BACC1: variants seen among roughly 807,000 people sequenced by gnomAD.
BACC1 encodes the protein BPTF associated chromatin complex component 1.
the BACC1 span, chr17:7,015,729 A>AC: frequency 4.1e-5 from 64 of 1,550,444 alleles, no homozygotes; most frequent in Middle Eastern, 1.7e-4. Context: ...CGGGCTCCAC[A>AC]CCCCCCCTCC....
chr17:7,014,928 G>A, the BACC1 span: 1 of 1,494,134 alleles, frequency 6.7e-7, no homozygotes. This position sits in a 1 kb window ranked among gnomAD's most constrained non-coding sequence, Gnocchi z 4.5. Flanking sequence ...GGGAGGGCGG[G>A]CCCCCCACTT....
chr17:7,014,964 G>A, the BACC1 span: 1 of 1,450,250 alleles, frequency 6.9e-7, no homozygotes, highest in Non-Finnish European at 9.0e-7. This position sits in a 1 kb window ranked among gnomAD's most constrained non-coding sequence, Gnocchi z 4.5. Flanking sequence ...CGCCCCGGGC[G>A]GGGGGCGGGC....
the BACC1 span, chr17:7,017,356 G>C: frequency 1.3e-6 from 2 of 1,581,006 alleles, no homozygotes; most frequent in Non-Finnish European, 1.7e-6. Context: ...GTTCATGCCG[G>C]ACCTGTGGAT....
chr17:7,016,542 G>C, the BACC1 span: 1 of 1,614,100 alleles, frequency 6.2e-7, no homozygotes, highest in Non-Finnish European at 8.5e-7. Flanking sequence ...GAAGATTCTG[G>C]CATCCCCCTT....
chr17:7,017,232 C>T, the BACC1 span: 5 of 1,614,084 alleles, frequency 3.1e-6, no homozygotes, highest in East Asian at 2.2e-5. Flanking sequence ...CGCTCCATCT[C>T]GGCCCATTTT....
the BACC1 span, chr17:7,015,224 C>G: frequency 6.7e-7 from 1 of 1,490,936 alleles, no homozygotes; most frequent in South Asian, 1.3e-5. Context: ...AGACACGGAC[C>G]CTCTCTAGCA....
At chr17:7,016,876 G>A in the BACC1 span, 1 of 1,586,640 alleles carries the variant, frequency 6.3e-7, no homozygotes, top group South Asian at 1.1e-5. Context: ...GGCTGTCAGG[G>A]GAACCTAGAA....
the BACC1 span, chr17:7,014,964 G>T: frequency 4.8e-5 from 70 of 1,450,142 alleles, no homozygotes; most frequent in Non-Finnish European, 5.9e-5. The surrounding 1 kb of genome is among the most constrained non-coding windows in gnomAD (Gnocchi z 4.5). Context: ...CGCCCCGGGC[G>T]GGGGGCGGGC....
At chr17:7,015,502 G>C in the BACC1 span, 1 of 1,378,684 alleles carries the variant, frequency 7.3e-7, no homozygotes, top group Non-Finnish European at 9.3e-7. Flanking sequence ...GTTGGTTTCA[G>C]TGTGCTGTGT....
chr17:7,014,858 A>G, the BACC1 span: 1 of 1,538,324 alleles, frequency 6.5e-7, no homozygotes, highest in Non-Finnish European at 8.7e-7. The surrounding 1 kb of genome is among the most constrained non-coding windows in gnomAD (Gnocchi z 4.5). Context: ...GCGCGGGGCC[A>G]TGACGTCAGC....
At chr17:7,015,915 C>T in the BACC1 span, 13 of 1,524,160 alleles carry the variant, frequency 8.5e-6, no homozygotes, top group East Asian at 2.3e-5. Flanking sequence ...GGGTGGGCAG[C>T]CTTCTTCCTC....
At chr17:7,015,639 A>G in the BACC1 span, 2 of 1,301,618 alleles carry the variant, frequency 1.5e-6, no homozygotes, top group South Asian at 2.9e-5. Flanking sequence ...CTTACGGAGG[A>G]CCTCTTTATG....
chr17:7,015,118 G>T, the BACC1 span: 1 of 1,583,708 alleles, frequency 6.3e-7, no homozygotes, highest in East Asian at 2.4e-5. Context: ...GGGAGCTGAC[G>T]ATGCAGCTGC....
the BACC1 span, chr17:7,017,279 C>T: frequency 5.0e-6 from 8 of 1,614,072 alleles, no homozygotes; most frequent in Admixed American, 1.3e-4. Context: ...TGGATTCTGG[C>T]CTTCTCATGA....
chr17:7,015,543 G>A, the BACC1 span: 4 of 1,418,862 alleles, frequency 2.8e-6, no homozygotes, highest in Admixed American at 1.2e-4. Flanking sequence ...ATGGTGGAAA[G>A]GGGTGTCTAA....
chr17:7,015,711 C>T, the BACC1 span: 2 of 1,501,456 alleles, frequency 1.3e-6, no homozygotes, highest in Non-Finnish European at 1.8e-6. Context: ...GGATGCATAG[C>T]CTGTGGGCGG....
the BACC1 span, chr17:7,016,041 G>C: frequency 1.6e-6 from 1 of 611,872 alleles, no homozygotes; most frequent in South Asian, 2.1e-5. Flanking sequence ...GTCACAGTTG[G>C]TCAGAAGTTC....
the BACC1 span, chr17:7,015,208 G>T: frequency 6.6e-7 from 1 of 1,514,798 alleles, no homozygotes. Context: ...GCTTGGACTC[G>T]GTCACAGACA....
the BACC1 span, chr17:7,015,965 C>A: frequency 9.6e-7 from 1 of 1,039,734 alleles, no homozygotes; most frequent in Non-Finnish European, 1.5e-6. Flanking sequence ...TCCTTTCCAG[C>A]TCAGCTGCTT....
Sources: allele counts gnomAD v4.1 joint callset, GRCh38; gene constraint gnomAD v4.1.1; non-coding constraint Gnocchi (gnomAD v3.1); transcripts MANE v1.5; gene names NCBI Gene and HGNC (gene_info 2026-07-23, HGNC 2026-07-21).